Variants in SLC35F3 observed in about 807,000 individuals in gnomAD.
The protein encoded by SLC35F3 is solute carrier family 35 member F3, also known as putative thiamine transporter SLC35F3.
SLC35F3 carries 25 observed loss-of-function variants against 49.9 expected under a neutral mutation model. That is an observed-to-expected ratio of 0.50 (90% confidence interval 0.37 to 0.70). The LOEUF is 0.70. Ranked by LOEUF, SLC35F3 falls within the 30% of genes least tolerant of loss-of-function variation. SLC35F3 has a pLI of 0.00. For missense variants in SLC35F3, 525 were observed against 639.8 expected, an observed-to-expected ratio of 0.82 and a Z score of 1.94; for synonymous variants, 275 against 265.4, an observed-to-expected ratio of 1.04 and a Z score of -0.35.
At chr1:234,054,628 G>A (rs1664428218) in intron 2 of SLC35F3, among the ~76,000 whole-genome samples, 1 of 152,180 alleles carries the variant, frequency 6.6e-6, no homozygotes, top group Admixed American at 6.5e-5. Flanking sequence ...ATTGTCTGAA[G>A]CCTTCTTCTG....
chr1:234,188,748 G>A (rs477305), intron 2 of SLC35F3, among the ~76,000 whole-genome samples: 109,674 of 151,984 alleles, frequency 0.72, 39,967 homozygotes, highest in East Asian at 0.99. Context: ...AACCAGCACA[G>A]AACTACAATA....
chr1:234,196,514 G>A (rs1417383775), intron 2 of SLC35F3, among the ~76,000 whole-genome samples: 1 of 152,214 alleles, frequency 6.6e-6, no homozygotes, highest in Non-Finnish European at 1.5e-5. Context: ...CCCCAATCTG[G>A]GGGTTTGCCT....
chr1:234,217,018 C>A (rs1225788519), intron 2 of SLC35F3, among the ~76,000 whole-genome samples: 2 of 152,128 alleles, frequency 1.3e-5, no homozygotes, highest in African/African-American at 4.8e-5. Context: ...TTTTGGAAAC[C>A]ATTTGCATCT....
intron 2 of SLC35F3, among the ~76,000 whole-genome samples, chr1:234,056,542 C>T (rs1447800960): frequency 2.0e-5 from 3 of 152,164 alleles, no homozygotes; most frequent in Non-Finnish European, 4.4e-5. Context: ...CCACCCAGCA[C>T]CATGCAACCA....
At chr1:234,059,194 A>T (rs1664500807) in intron 2 of SLC35F3, among the ~76,000 whole-genome samples, 1 of 148,582 alleles carries the variant, frequency 6.7e-6, no homozygotes, top group African/African-American at 2.5e-5. Flanking sequence ...CTGTAATCTT[A>T]ATTTCTTCCT....
chr1:234,097,335 T>C (rs1052699362), intron 2 of SLC35F3, among the ~76,000 whole-genome samples: 8 of 152,178 alleles, frequency 5.3e-5, no homozygotes, highest in Non-Finnish European at 1.2e-4. Context: ...ACCCCAAAGC[T>C]ATCAAAATTA....
chr1:234,129,801 C>T (rs12070124), intron 2 of SLC35F3, among the ~76,000 whole-genome samples: 9,389 of 152,130 alleles, frequency 0.062, 432 homozygotes, highest in African/African-American at 0.12. Flanking sequence ...GGCACCAATA[C>T]AATGCAATAC....
At chr1:234,223,365 A>G (rs1667238094) in intron 2 of SLC35F3, among the ~76,000 whole-genome samples, 1 of 152,130 alleles carries the variant, frequency 6.6e-6, no homozygotes, top group Non-Finnish European at 1.5e-5. Context: ...ACACATCTCA[A>G]AGAAGCCTCC....
chr1:234,195,451 C>T (rs1337946319), intron 2 of SLC35F3, among the ~76,000 whole-genome samples: 1 of 152,216 alleles, frequency 6.6e-6, no homozygotes, highest in Non-Finnish European at 1.5e-5. Flanking sequence ...TATCAAGGCT[C>T]AAGGCATGTG....
At position 234,068,019 on chromosome 1, in the gene SLC35F3, G is replaced by A. The variant is rs375830934; in HGVS notation, c.283+162261G>A. On this transcript the variant is annotated intron_variant, in intron 2 of 7. Transcript: ENST00000366618. Reference sequence around the variant, plus strand: ...ATTCTGGGCTTGGTTTCAGGTAACCGAGAGCCTTCCAACTAAATGCCATTT... The same window carrying A: ...ATTCTGGGCTTGGTTTCAGGTAACCAAGAGCCTTCCAACTAAATGCCATTT... Among the ~76,000 whole-genome samples, 54 of 152,272 alleles carry A rather than the reference G, an allele frequency of 3.5e-4. 2 individuals carry two copies. The South Asian group carries it at 0.011, about 30-fold the overall frequency.
At chr1:234,272,246 G>T (rs1668119708) in intron 3 of SLC35F3, 1 of 152,174 alleles carries the variant, frequency 6.6e-6, no homozygotes, top group Non-Finnish European at 1.5e-5. Context: ...ATACTTTCCA[G>T]GGTATGGAAA....
In SLC35F3 at chr1:234,227,572, G is replaced by A. The variant is rs613532; in HGVS notation, c.284-3845G>A. 5.4e-3 allele frequency among the ~76,000 whole-genome samples: 816 copies of A among 151,938 alleles called. 9 individuals carry two copies. Among genetic ancestry groups the A allele is most frequent in the African/African-American group, 0.018 (750 of 41,520 alleles). On this transcript the variant is annotated intron_variant, in intron 2 of 7. Coordinates refer to ENST00000366618, the MANE Select transcript of SLC35F3 (RefSeq NM_173508.4). ...CACCACCACGCCCGGCTAATTTTTC[G>A]TATTTTTAGGAGAGACGGGGTTTCA...
intron 2 of SLC35F3, among the ~76,000 whole-genome samples, chr1:234,228,105 C>A (rs1462458823): frequency 6.6e-6 from 1 of 152,206 alleles, no homozygotes; most frequent in Non-Finnish European, 1.5e-5. Context: ...CCAGTCCCTT[C>A]AGCAAACCTG....
chr1:234,313,397 T>C (rs2102995911), intron 4 of SLC35F3, among the ~76,000 whole-genome samples: 1 of 152,286 alleles, frequency 6.6e-6, no homozygotes, highest in Admixed American at 6.5e-5. Context: ...TCTAGAGCTC[T>C]GGCAGCCGGG....
rs994417230 is a variant in SLC35F3, at chr1:234,179,883, C to A, written c.284-51534C>A. Among the ~76,000 whole-genome samples, 4 of 152,242 alleles carry A rather than the reference C, an allele frequency of 2.6e-5. No individual in the cohort carries two copies. The East Asian group carries it at 7.7e-4, about 29-fold the overall frequency. On this transcript the variant is annotated intron_variant, in intron 2 of 7. Transcript: ENST00000366618. ...TGGAATTCAGTATGCTTCTTTAGAACGAAAGAGCAAAAGAAAAAAGGTAAA... is the reference window on the plus strand; with the variant it reads ...TGGAATTCAGTATGCTTCTTTAGAAAGAAAGAGCAAAAGAAAAAAGGTAAA...
At chr1:234,128,115 T>G (rs1369874895) in intron 2 of SLC35F3, among the ~76,000 whole-genome samples, 1 of 152,148 alleles carries the variant, frequency 6.6e-6, no homozygotes, top group African/African-American at 2.4e-5. Context: ...AAACAGGCAT[T>G]AAGACCATAA....
At chr1:234,028,683 C>T (rs952413910) in intron 2 of SLC35F3, among the ~76,000 whole-genome samples, 3 of 152,210 alleles carry the variant, frequency 2.0e-5, no homozygotes, top group Non-Finnish European at 2.9e-5. Flanking sequence ...AAGAGAGACT[C>T]TCTATAGAAA....
chr1:234,040,526 G>A (rs1171107520), intron 2 of SLC35F3, among the ~76,000 whole-genome samples: 1 of 152,178 alleles, frequency 6.6e-6, no homozygotes, highest in Non-Finnish European at 1.5e-5. Context: ...CAGAATGTAC[G>A]ATTTAGCAGA....
At chr1:234,189,687 G>A (rs926343595) in intron 2 of SLC35F3, among the ~76,000 whole-genome samples, 2 of 152,080 alleles carry the variant, frequency 1.3e-5, no homozygotes, top group Admixed American at 6.6e-5. Context: ...TTGCTAGAGA[G>A]CTAGACATCC....
Sources: gnomAD v4.1 joint callset for allele counts (sites outside exome capture counted in the v4.1 genomes callset) on GRCh38, gnomAD v4.1.1 for gene constraint, MANE v1.5 for transcripts, NCBI Gene and HGNC (gene_info 2026-07-23, HGNC 2026-07-21) for gene names.